NRXN3: variants seen among roughly 807,000 people sequenced by gnomAD.
NRXN3 encodes the protein neurexin 3, also known as neurexin III.
A neutral mutation model predicts 137.6 loss-of-function variants in NRXN3; 32 were observed. That is an observed-to-expected ratio of 0.23 (90% CI 0.18 to 0.31). The LOEUF is 0.31. Ranked by LOEUF, NRXN3 falls within the 10% of genes least tolerant of loss-of-function variation. NRXN3 has a pLI of 1.00. For synonymous variants in NRXN3, 798 were observed against 784.5 expected (o/e 1.02, Z -0.29); for missense variants, 1,574 against 2,062.5 (o/e 0.76, Z 4.59).
At chr14:78,535,037 A>G (rs2096520310) in intron 4 of NRXN3, among the ~76,000 whole-genome samples, 1 of 152,214 alleles carries the variant, frequency 6.6e-6, no homozygotes, top group Non-Finnish European at 1.5e-5. Flanking sequence ...ATCTAATTAT[A>G]ATAAAGCACA....
At chr14:79,083,300 C>G (rs1379643960) in intron 15 of NRXN3, among the ~76,000 whole-genome samples, 1 of 152,160 alleles carries the variant, frequency 6.6e-6, no homozygotes. Context: ...GTTTGAAATT[C>G]TGATCTGTAA....
chr14:78,613,578 GTTT>G (rs57745190), intron 4 of NRXN3, among the ~76,000 whole-genome samples: 61 of 95,108 alleles, frequency 6.4e-4, no homozygotes, highest in African/African-American at 1.3e-3. Flanking sequence ...CACAACCATA[GTTT>G]TTTTTTTTTT....
At chr14:78,992,720 A>C (rs2153082835) in intron 15 of NRXN3, among the ~76,000 whole-genome samples, 1 of 152,312 alleles carries the variant, frequency 6.6e-6, no homozygotes, top group Middle Eastern at 3.4e-3. Context: ...TAAACATTTC[A>C]TACCTATCCT....
intron 4 of NRXN3, among the ~76,000 whole-genome samples, chr14:78,478,440 T>C (rs1328279895): frequency 6.6e-6 from 1 of 152,150 alleles, no homozygotes; most frequent in Non-Finnish European, 1.5e-5. Context: ...AGCAAGTCAT[T>C]TTTATTAATA....
intron 9 of NRXN3, among the ~76,000 whole-genome samples, chr14:78,806,870 G>A (rs929851653): frequency 1.3e-5 from 2 of 152,098 alleles, no homozygotes; most frequent in Admixed American, 6.5e-5. Flanking sequence ...GATCTCATGC[G>A]ATTAATGATA....
At position 78,459,776 on chromosome 14, in the gene NRXN3, C is replaced by T. The variant is rs77343000; in HGVS notation, c.757+161916C>T. ...TTCACAACACAGTACTTCTGTGACC[C>T]CTGGCCGTCAAAATGTGTGAGGATT... On this transcript the variant is annotated intron_variant, in intron 4 of 20. Coordinates refer to ENST00000335750, the MANE Select transcript of NRXN3 (RefSeq NM_001330195.2). Among the ~76,000 whole-genome samples, 948 of 152,236 alleles carry T rather than the reference C, an allele frequency of 6.2e-3. 7 individuals carry two copies. Among genetic ancestry groups the T allele is most frequent in the African/African-American group, 0.022 (894 of 41,526 alleles).
At chr14:78,226,708 T>A (rs1397460710) in intron 1 of NRXN3, among the ~76,000 whole-genome samples, 2 of 152,080 alleles carry the variant, frequency 1.3e-5, no homozygotes, top group Admixed American at 1.3e-4. Context: ...ATTTTTTGAG[T>A]CTTGGGTTTG....
intron 8 of NRXN3, among the ~76,000 whole-genome samples, chr14:78,717,846 T>C (rs2098441128): frequency 1.3e-5 from 2 of 152,198 alleles, no homozygotes; most frequent in African/African-American, 2.4e-5. Flanking sequence ...GAGAAATGTT[T>C]AACATGTGGT....
chr14:78,960,043 C>T (rs1024245808), intron 11 of NRXN3, among the ~76,000 whole-genome samples: 4 of 151,816 alleles, frequency 2.6e-5, no homozygotes, highest in Non-Finnish European at 3.0e-5. Flanking sequence ...TGGAATAAAG[C>T]TATTTGTAAA....
At chr14:78,630,484 G>T (rs986706025) in intron 4 of NRXN3, among the ~76,000 whole-genome samples, 13 of 152,138 alleles carry the variant, frequency 8.5e-5, no homozygotes, top group African/African-American at 3.1e-4. Context: ...GTGCCTAGCA[G>T]TGTGTGGTGT....
chr14:79,799,218 C>T (rs777209844), intron 19 of NRXN3, among the ~76,000 whole-genome samples: 8 of 152,062 alleles, frequency 5.3e-5, no homozygotes, highest in African/African-American at 1.4e-4. Flanking sequence ...AATTTCAACA[C>T]GTGGATTAAA....
At chr14:79,777,616 A>AT (rs916986697) in intron 19 of NRXN3, among the ~76,000 whole-genome samples, 16 of 151,966 alleles carry the variant, frequency 1.1e-4, no homozygotes, top group African/African-American at 2.4e-4. Context: ...ATGGATGTGA[A>AT]TTTTTTTTAT....
intron 15 of NRXN3, among the ~76,000 whole-genome samples, chr14:79,075,619 C>T (rs1026900627): frequency 3.9e-5 from 6 of 152,032 alleles, no homozygotes; most frequent in African/African-American, 1.2e-4. Context: ...TTAAGTCTTC[C>T]TTTCTGTCCA....
At chr14:78,322,955 C>G (rs906594287) in intron 4 of NRXN3, among the ~76,000 whole-genome samples, 8 of 151,972 alleles carry the variant, frequency 5.3e-5, no homozygotes, top group African/African-American at 1.7e-4. Flanking sequence ...GTGTCACCTT[C>G]GTGTCTCCCC....
At chr14:79,329,284 G>C (rs1296229394) in intron 15 of NRXN3, among the ~76,000 whole-genome samples, 3 of 152,180 alleles carry the variant, frequency 2.0e-5, no homozygotes, top group Non-Finnish European at 4.4e-5. Flanking sequence ...CATGTGTATA[G>C]TATATCCATA....
chr14:79,114,930 G>C (rs1325325262), intron 15 of NRXN3, among the ~76,000 whole-genome samples: 2 of 152,116 alleles, frequency 1.3e-5, no homozygotes, highest in African/African-American at 4.8e-5. Context: ...ATGACTCCCA[G>C]AGGTATTATC....
At chr14:79,225,205 C>T (rs2070609687) in intron 15 of NRXN3, among the ~76,000 whole-genome samples, 1 of 152,168 alleles carries the variant, frequency 6.6e-6, no homozygotes, top group South Asian at 2.1e-4. Flanking sequence ...TTTCTATCTG[C>T]TCAGTACCCA....
At chr14:79,368,891 A>C (rs1386110345) in intron 15 of NRXN3, among the ~76,000 whole-genome samples, 1 of 152,244 alleles carries the variant, frequency 6.6e-6, no homozygotes. Flanking sequence ...ATTTCCAAGA[A>C]TGAAAGCAAA....
intron 4 of NRXN3, among the ~76,000 whole-genome samples, chr14:78,399,988 A>G (rs2091898299): frequency 6.6e-6 from 1 of 152,224 alleles, no homozygotes; most frequent in South Asian, 2.1e-4. Context: ...TACATTTACT[A>G]TTCTTTGTTT....
Sources: allele counts gnomAD v4.1 joint callset (sites outside exome capture counted in the v4.1 genomes callset), GRCh38; gene constraint gnomAD v4.1.1; transcripts MANE v1.5; gene names NCBI Gene and HGNC (gene_info 2026-07-23, HGNC 2026-07-21).